NMT1: variants seen among roughly 807,000 people sequenced by gnomAD.
NMT1 encodes N-myristoyltransferase 1, also known as glycylpeptide N-tetradecanoyltransferase 1.
NMT1 carries 12 observed loss-of-function variants against 63.4 expected under a neutral mutation model. The observed-to-expected ratio is 0.19, with a 90% CI of 0.12 to 0.31. The LOEUF is 0.31. NMT1 is among the 10% of genes least tolerant of loss of function. NMT1 has a pLI of 1.00. For missense variants in NMT1, 432 were observed against 634.6 expected (o/e 0.68, Z 3.43); for synonymous variants, 228 against 234.3 (o/e 0.97, Z 0.25).
intron 1 of NMT1, among the ~76,000 whole-genome samples, chr17:45,063,056 T>G (rs1304521925): frequency 1.3e-5 from 2 of 151,318 alleles, no homozygotes; most frequent in Non-Finnish European, 2.9e-5. Flanking sequence ...TACAAAAAAT[T>G]TAGCCGGGCG....
At chr17:45,072,124 C>T (rs886696313) in intron 1 of NMT1, among the ~76,000 whole-genome samples, 54 of 151,870 alleles carry the variant, frequency 3.6e-4, no homozygotes, top group South Asian at 6.2e-4. Flanking sequence ...TGGTGGCGTA[C>T]GCCTGTAGTC....
In NMT1 at chr17:45,105,249, C is replaced by T. The variant is rs1264578539; in HGVS notation, c.1470+253C>T. On this transcript the variant is annotated intron_variant, in intron 11 of 11. Transcript: ENST00000258960. This position sits in a 1 kb window ranked among gnomAD's most constrained non-coding sequence, Gnocchi z 4.2. ...GATCATCTCCAATGAGGCCTTCCCA[C>T]GTGAGGGAACCGTGGAAGTTGAGTT... 3.3e-5 allele frequency among the ~76,000 whole-genome samples: 5 copies of T among 152,178 alleles called. No homozygotes were observed. The highest frequency in any genetic ancestry group is 3.3e-4 in the Admixed American group (5 of 15,280).
Position 45,103,605 on chromosome 17 carries a change from G to T in NMT1, c.1165-104G>T. The T allele has an allele frequency of 8.5e-7, 1 of 1,182,316 alleles. No individual in the cohort carries two copies. The allele number at this position is 1,182,316 out of a possible 1,614,324, so 73.2% of individuals were successfully genotyped here. A position where few individuals can be genotyped will look rare whatever the true frequency, so the allele number is the denominator to read the frequency against. ...GTTGCAGTTTCCAGCCATTTATCTA[G>T]AGGGGCAGAGCTGCCTGAAGGTGGA... On this transcript the variant is annotated intron_variant, in intron 9 of 11. Coordinates refer to ENST00000258960, the MANE Select transcript of NMT1 (RefSeq NM_021079.5). The surrounding 1 kb of genome is among the most constrained non-coding windows in gnomAD (Gnocchi z 4.8).
At position 45,104,134 on chromosome 17, in the gene NMT1, G is replaced by C. The variant is rs2054187678; in HGVS notation, c.1332+258G>C. 1 of 1,376,432 alleles carries C rather than the reference G, an allele frequency of 7.3e-7. No individual in the cohort carries two copies. Among genetic ancestry groups the C allele is most frequent in the African/African-American group, 1.5e-5 (1 of 68,650 alleles). 85.3% of individuals were successfully genotyped at this position (1,376,432 alleles called of 1,614,324 possible). ...TCGTTCTCACAGGAGGCGCCACCAAGGAGCCTGAATAGCCAGGCCTTCCCT... is the reference window on the plus strand; with the variant it reads ...TCGTTCTCACAGGAGGCGCCACCAACGAGCCTGAATAGCCAGGCCTTCCCT... On this transcript the variant is annotated intron_variant, in intron 10 of 11. Transcript: ENST00000258960. This position sits in a 1 kb window ranked among gnomAD's most constrained non-coding sequence, Gnocchi z 4.2.
At chr17:45,094,779 T>G (rs1007865972) in intron 4 of NMT1, among the ~76,000 whole-genome samples, 1 of 149,048 alleles carries the variant, frequency 6.7e-6, no homozygotes, top group Admixed American at 6.7e-5. Flanking sequence ...CCTCCCAAAG[T>G]GCTGGGATTA....
At chr17:45,081,019 C>T (rs971819513) in intron 1 of NMT1, among the ~76,000 whole-genome samples, 5 of 152,158 alleles carry the variant, frequency 3.3e-5, no homozygotes, top group African/African-American at 4.8e-5. Context: ...CCACCTGCCT[C>T]GGCCTCCCAA....
chr17:45,105,720 TCA>T lies in NMT1; in HGVS notation c.*87_*88del. 4 of 1,401,930 alleles carry T rather than the reference TCA, an allele frequency of 2.9e-6. No individual in the cohort carries two copies. Among genetic ancestry groups the T allele is most frequent in the Non-Finnish European group, 4.0e-6 (4 of 995,496 alleles). 86.8% of individuals were successfully genotyped at this position (1,401,930 alleles called of 1,614,324 possible). On this transcript the variant is annotated 3_prime_UTR_variant, in exon 12 of 12. Coordinates refer to ENST00000258960, the MANE Select transcript of NMT1 (RefSeq NM_021079.5). The surrounding 1 kb of genome is among the most constrained non-coding windows in gnomAD (Gnocchi z 4.2). ...AACCCCACCACTGTTGGTCCAATTTTCACACACGTGAGAATCCCTGGCAAAGG... is the reference window on the plus strand; with the variant it reads ...AACCCCACCACTGTTGGTCCAATTTTCACACGTGAGAATCCCTGGCAAAGG...
At chr17:45,097,468 A>G (rs1002885240) in intron 6 of NMT1, among the ~76,000 whole-genome samples, 8 of 151,966 alleles carry the variant, frequency 5.3e-5, no homozygotes, top group Non-Finnish European at 1.0e-4. Context: ...GAAGGAGCCC[A>G]CCCTGAGGCC....
Position 45,106,597 on chromosome 17 carries a change from C to G in NMT1, c.*958C>G, listed in dbSNP as rs374822197. 1 of 152,698 alleles carries G rather than the reference C, an allele frequency of 6.5e-6. No homozygotes were observed. The highest frequency in any genetic ancestry group is 2.4e-5 in the African/African-American group (1 of 41,462). 9.5% of individuals were successfully genotyped at this position (152,698 alleles called of 1,614,324 possible). A position where few individuals can be genotyped will look rare whatever the true frequency, so the allele number is the denominator to read the frequency against. On this transcript the variant is annotated 3_prime_UTR_variant, in exon 12 of 12. Coordinates refer to ENST00000258960, the MANE Select transcript of NMT1 (RefSeq NM_021079.5). ...TTATCAGTGTAAGCCCTGCTTAGCT[C>G]ATCTTAGAGCAAAGAGCCAGCACCC...
rs548833697 is a variant in NMT1 at position 45,106,904 on chromosome 17, C to T, written c.*1265C>T. On this transcript the variant is annotated 3_prime_UTR_variant, in exon 12 of 12. Coordinates refer to ENST00000258960, the MANE Select transcript of NMT1 (RefSeq NM_021079.5). ...TGTCAGTGCTGCCAGTTTCCCAAAA[C>T]GTAATCAAGCCTCTGGTCACATGGC... 8.5e-5 allele frequency: 13 copies of T among 152,522 alleles called. No homozygotes were observed. The highest frequency in any genetic ancestry group is 3.9e-4 in the Admixed American group (6 of 15,300). 9.4% of individuals were successfully genotyped at this position (152,522 alleles called of 1,614,324 possible).
intron 1 of NMT1, among the ~76,000 whole-genome samples, chr17:45,062,975 G>A (rs2053876604): frequency 6.6e-6 from 1 of 152,076 alleles, no homozygotes. Flanking sequence ...AGTACTTTGG[G>A]AGGCAGATCA....
Position 45,104,363 on chromosome 17 carries a change from T to C in NMT1, c.1332+487T>C. Reference sequence around the variant, plus strand: ...CTGGTCCCTGCCCTGTGAGAGCTTCTGCTCCAGTTGGTGAGGTTTAGGAAG... The same window carrying C: ...CTGGTCCCTGCCCTGTGAGAGCTTCCGCTCCAGTTGGTGAGGTTTAGGAAG... On this transcript the variant is annotated intron_variant, in intron 10 of 11. Transcript: ENST00000258960. This position sits in a 1 kb window ranked among gnomAD's most constrained non-coding sequence, Gnocchi z 4.2. The C allele has an allele frequency of 8.7e-7, 1 of 1,145,888 alleles. No individual in the cohort carries two copies. The highest frequency in any genetic ancestry group is 1.1e-6 in the Non-Finnish European group (1 of 924,168). 71.0% of individuals were successfully genotyped at this position (1,145,888 alleles called of 1,614,324 possible).
intron 1 of NMT1, among the ~76,000 whole-genome samples, chr17:45,077,032 A>G (rs544635058): frequency 7.2e-5 from 11 of 152,238 alleles, no homozygotes; most frequent in Admixed American, 2.6e-4. Flanking sequence ...TCCGCTAAAT[A>G]GGAAGAACAA....
At chr17:45,071,166 A>G (rs1461251794) in intron 1 of NMT1, among the ~76,000 whole-genome samples, 2 of 152,200 alleles carry the variant, frequency 1.3e-5, no homozygotes, top group African/African-American at 4.8e-5. Flanking sequence ...TAAAAGTAGA[A>G]TCAAAAGGAT....
At chr17:45,090,137 A>T (rs981041596) in intron 3 of NMT1, among the ~76,000 whole-genome samples, 1 of 152,114 alleles carries the variant, frequency 6.6e-6, no homozygotes, top group African/African-American at 2.4e-5. Flanking sequence ...TTTAAAAATT[A>T]GCCAGACATG....
In NMT1 at chr17:45,086,371, C is replaced by T. The variant is rs1303036568; in HGVS notation, c.241-137C>T. The T allele has an allele frequency of 1.4e-5, 11 of 805,154 alleles. No individual in the cohort carries two copies. The African/African-American group carries it at 1.5e-4, about 11-fold the overall frequency. 49.9% of individuals were successfully genotyped at this position (805,154 alleles called of 1,614,324 possible). Reference sequence around the variant, plus strand: ...AACTCCTAACCTCAAGTGATCTGCCCGCCTTGGCCTCCCAAAATGTTGGGA... The same window carrying T: ...AACTCCTAACCTCAAGTGATCTGCCTGCCTTGGCCTCCCAAAATGTTGGGA... On this transcript the variant is annotated intron_variant, in intron 2 of 11. Coordinates refer to ENST00000258960, the MANE Select transcript of NMT1 (RefSeq NM_021079.5).
chr17:45,099,637 C>A, intron 8 of NMT1, 124 bp downstream of exon 8: 2 of 671,126 alleles, frequency 3.0e-6, no homozygotes, highest in Non-Finnish European at 5.4e-6. Context: ...CGAACCAGCC[C>A]ATAGTCTTCA....
intron 3 of NMT1, among the ~76,000 whole-genome samples, chr17:45,088,432 A>C (rs1007105279): frequency 2.0e-5 from 3 of 152,234 alleles, no homozygotes; most frequent in Non-Finnish European, 4.4e-5. Context: ...ACCTTGCTAC[A>C]TTCTTCACAG....
rs2054140556 is a variant in NMT1, at chr17:45,098,490, G to A, written c.822G>A (p.Glu274=). The A allele has an allele frequency of 1.2e-6, 2 of 1,614,240 alleles. No individual in the cohort carries two copies. Among genetic ancestry groups the A allele is most frequent in the Non-Finnish European group, 1.7e-6 (2 of 1,180,046 alleles). The change falls in exon 7 of 12, where the codon GAG becomes GAA. Residue 274 remains glutamate (E), a synonymous_variant. Coordinates refer to ENST00000258960, the MANE Select transcript of NMT1 (RefSeq NM_021079.5). ...AGATCACCAGGCGGGTTCACCTGGA[G>A]GGCATCTTCCAAGCAGTTTACACTG... The part of the protein sequence containing the change: ...IREITRRVHL[E]GIFQAVYTAG...
Sources: gnomAD v4.1 joint callset for allele counts (sites outside exome capture counted in the v4.1 genomes callset) on GRCh38, gnomAD v4.1.1 for gene constraint, Gnocchi (gnomAD v3.1) non-coding constraint, MANE v1.5 for transcripts, NCBI Gene and HGNC (gene_info 2026-07-23, HGNC 2026-07-21) for gene names.